Variants in FBN1 observed in about 807,000 individuals in gnomAD.
FBN1 encodes fibrillin-1.
FBN1 carries 29 observed loss-of-function variants against 365.1 expected under a neutral mutation model. The ratio of observed to expected loss-of-function variants is 0.08; its 90% CI spans 0.06 to 0.11. The LOEUF (loss-of-function observed/expected upper bound fraction) is 0.11, where lower values mean the gene tolerates loss of function less well. Among genes scored for constraint, FBN1 ranks in the 10% least tolerant of loss-of-function variants. FBN1 has a pLI of 1.00. For synonymous variants in FBN1, 1,210 were observed against 1,270.5 expected (o/e 0.95, Z 1.01); for missense variants, 2,476 against 3,703.2 (o/e 0.67, Z 8.60).
intron 4 of FBN1, among the ~76,000 whole-genome samples, chr15:48,601,776 C>T (rs1484272999): frequency 6.6e-6 from 1 of 152,154 alleles, no homozygotes; most frequent in Non-Finnish European, 1.5e-5. Context: ...CTATACCCTT[C>T]CTTTTACAGC....
chr15:48,449,127 T>G (rs2043181167), intron 45 of FBN1, among the ~76,000 whole-genome samples: 1 of 152,124 alleles, frequency 6.6e-6, no homozygotes, highest in African/African-American at 2.4e-5. Flanking sequence ...CAAAAAATAT[T>G]CTGAAAGATG....
intron 6 of FBN1, among the ~76,000 whole-genome samples, chr15:48,555,418 C>A (rs17363371): frequency 0.12 from 18,006 of 152,162 alleles, 1,238 homozygotes; most frequent in Non-Finnish European, 0.15. Context: ...GTTGTCTCGC[C>A]CTTGACCCTG....
At chr15:48,645,132 AGCCCCGGCCG>A in intron 1 of FBN1, among the ~76,000 whole-genome samples, 182 bp from the exon 2 acceptor site, 1 of 152,370 alleles carries the variant, frequency 6.6e-6, no homozygotes, top group Middle Eastern at 3.4e-3. Flanking sequence ...CGGCGGCAGC[AGCCCCGGCCG>A]ATCCCTCGGC....
At chr15:48,430,455 GCAGA>G (rs1211174870) in intron 56 of FBN1, among the ~76,000 whole-genome samples, 2 of 152,190 alleles carry the variant, frequency 1.3e-5, no homozygotes, top group East Asian at 1.9e-4. Flanking sequence ...GGTCAAGAAA[GCAGA>G]CAAAGGCCAG....
intron 2 of FBN1, among the ~76,000 whole-genome samples, chr15:48,640,038 T>C (rs1890171253): frequency 6.6e-6 from 1 of 152,182 alleles, no homozygotes; most frequent in Non-Finnish European, 1.5e-5. Flanking sequence ...ATTTTTAAAG[T>C]ATATGCTACA....
At chr15:48,501,418 C>T (rs77360718) in intron 17 of FBN1, among the ~76,000 whole-genome samples, 12,955 of 152,194 alleles carry the variant, frequency 0.085, 558 homozygotes, top group Middle Eastern at 0.14. Flanking sequence ...GCAAGAAGGC[C>T]CCCCACAGAT....
chr15:48,486,544 G>A (rs1204007757), intron 29 of FBN1, among the ~76,000 whole-genome samples: 1 of 152,188 alleles, frequency 6.6e-6, no homozygotes, highest in African/African-American at 2.4e-5. Context: ...AGGAGAGCCA[G>A]GCATAGCCTC....
intron 57 of FBN1, chr15:48,428,100 C>A: frequency 3.2e-6 from 2 of 634,836 alleles, no homozygotes. Flanking sequence ...TCACCAAGGG[C>A]TTCAAAGGCA....
intron 24 of FBN1, among the ~76,000 whole-genome samples, chr15:48,490,526 A>G (rs905384285): frequency 2.0e-5 from 3 of 152,096 alleles, no homozygotes; most frequent in Admixed American, 2.0e-4. Flanking sequence ...GACCCACTTC[A>G]TTTTTGGAAA....
At chr15:48,624,981 C>A (rs1363989894) in intron 2 of FBN1, among the ~76,000 whole-genome samples, 1 of 152,178 alleles carries the variant, frequency 6.6e-6, no homozygotes, top group East Asian at 1.9e-4. Flanking sequence ...GAGATAATAT[C>A]TTCTGAATGT....
At chr15:48,604,486 T>G (rs766249325) in intron 4 of FBN1, among the ~76,000 whole-genome samples, 1 of 152,212 alleles carries the variant, frequency 6.6e-6, no homozygotes, top group Non-Finnish European at 1.5e-5. Flanking sequence ...AGTGAACAGA[T>G]GTCTGGGGAT....
At chr15:48,413,180 C>T (rs1168621898) in intron 64 of FBN1, among the ~76,000 whole-genome samples, 2 of 152,208 alleles carry the variant, frequency 1.3e-5, no homozygotes, top group African/African-American at 4.8e-5. Flanking sequence ...GAGTTTCTTG[C>T]ATTCTCCCAC....
At chr15:48,430,181 C>T (rs2043013442) in intron 56 of FBN1, among the ~76,000 whole-genome samples, 1 of 152,202 alleles carries the variant, frequency 6.6e-6, no homozygotes, top group East Asian at 1.9e-4. Flanking sequence ...AATGTTGGAT[C>T]CCTATTAGAA....
intron 4 of FBN1, among the ~76,000 whole-genome samples, chr15:48,602,543 G>C (rs2044575543): frequency 6.6e-6 from 1 of 152,158 alleles, no homozygotes; most frequent in Non-Finnish European, 1.5e-5. Flanking sequence ...CTTAGAAGTT[G>C]TCCATTGTGT....
At chr15:48,554,931 C>G (rs1030814540) in intron 6 of FBN1, among the ~76,000 whole-genome samples, 1 of 152,118 alleles carries the variant, frequency 6.6e-6, no homozygotes, top group Admixed American at 6.5e-5. Flanking sequence ...GATTGTAACT[C>G]TTTCTATTCT....
intron 6 of FBN1, among the ~76,000 whole-genome samples, chr15:48,553,533 C>T (rs893215640): frequency 6.6e-6 from 1 of 152,140 alleles, no homozygotes; most frequent in Admixed American, 6.5e-5. Flanking sequence ...ATGCAGATGG[C>T]TTATGAAACA....
rs542953863 is a variant in FBN1, at chr15:48,441,830, G to A, written c.6054C>T (p.Val2018=). 8.6e-5 allele frequency: 138 copies of A among 1,613,288 alleles called. 1 individual carries two copies. In the South Asian group the frequency reaches 1.1e-3, roughly 13 times the overall value. The change falls in exon 50 of 66, where the codon GTC becomes GTT. Residue 2018 remains valine, a synonymous_variant. Coordinates refer to ENST00000316623, the MANE Select transcript of FBN1 (RefSeq NM_000138.5). ...CCAGGGCACAAATTTCTGGCTCTTC[G>A]ACACACTCATCAATATCTAAAAGAA... is the stretch of plus-strand genomic sequence containing the variant. ...NEKCEDIDEC[V]EEPEICALGT... is the part of the protein sequence containing the mutation.
At chr15:48,474,877 C>T (rs778586080) in intron 32 of FBN1, among the ~76,000 whole-genome samples, 11 of 152,034 alleles carry the variant, frequency 7.2e-5, no homozygotes, top group African/African-American at 9.7e-5. Context: ...AATTATTTTC[C>T]GTATTTTAAT....
intron 2 of FBN1, among the ~76,000 whole-genome samples, chr15:48,621,155 G>T (rs1702928922): frequency 6.6e-6 from 1 of 152,214 alleles, no homozygotes; most frequent in Non-Finnish European, 1.5e-5. Flanking sequence ...AATCTCTTGT[G>T]CTTCCGACTT....
Sources: gnomAD v4.1 joint callset for allele counts (sites outside exome capture counted in the v4.1 genomes callset) on GRCh38, gnomAD v4.1.1 for gene constraint, MANE v1.5 for transcripts, NCBI Gene and HGNC (gene_info 2026-07-23, HGNC 2026-07-21) for gene names.